Variants in NLGN4X observed in about 807,000 individuals in gnomAD.
NLGN4X encodes the protein neuroligin-4, X-linked.
NLGN4X carries 3 observed loss-of-function variants against 40.3 expected under a neutral mutation model. That is an observed-to-expected ratio of 0.07 (90% CI 0.03 to 0.19). The LOEUF is 0.19. NLGN4X is among the 10% of genes least tolerant of loss of function. NLGN4X has a pLI of 1.00. For missense variants in NLGN4X, 382 were observed against 708.3 expected (o/e 0.54, Z 5.23); for synonymous variants, 270 against 306.8 (o/e 0.88, Z 1.25).
chrX:6,069,008 G>C (rs919831904), intron 2 of NLGN4X, among the ~76,000 whole-genome samples: 2 of 112,032 alleles, frequency 1.8e-5, no homozygotes, highest in Admixed American at 1.9e-4. Context: ...ATAAAAGTGG[G>C]GCCGGGTACG....
At chrX:6,208,120 A>T (rs1443870632) in intron 1 of NLGN4X, among the ~76,000 whole-genome samples, 1 of 112,005 alleles carries the variant, frequency 8.9e-6, no homozygotes, top group Non-Finnish European at 1.9e-5. Context: ...GTTCCCATTG[A>T]TGTTAATAAG....
At position 5,932,381 on chromosome X, in the gene NLGN4X, A is replaced by G. The variant is rs189074745; in HGVS notation, c.626-23142T>C. Reference sequence around the variant, plus strand: ...ATGAGTTTCCACTCACCTAAGGAGAACACAGGCTAAATGTTTAACAAAGAG... The same window carrying G: ...ATGAGTTTCCACTCACCTAAGGAGAGCACAGGCTAAATGTTTAACAAAGAG... On this transcript the variant is annotated intron_variant, in intron 3 of 5. Transcript: ENST00000381095. Among the ~76,000 whole-genome samples the G allele has an allele frequency of 1.9e-4, 21 of 111,800 alleles. No individual in the cohort carries two copies. The Admixed American group carries it at 2.0e-3, about 11-fold the overall frequency.
At chrX:6,174,236 A>G (rs1569281184) in intron 1 of NLGN4X, among the ~76,000 whole-genome samples, 1 of 111,397 alleles carries the variant, frequency 9.0e-6, no homozygotes, top group Non-Finnish European at 1.9e-5. Context: ...CACACCAGTC[A>G]GAAAGGCCAT....
At chrX:5,895,362 A>C (rs940105942) in intron 5 of NLGN4X, among the ~76,000 whole-genome samples, 1 of 111,302 alleles carries the variant, frequency 9.0e-6, no homozygotes, top group African/African-American at 3.3e-5. Flanking sequence ...AGAATTCAGG[A>C]AATATTACCC....
At chrX:6,111,819 G>A (rs1462750638) in intron 2 of NLGN4X, among the ~76,000 whole-genome samples, 3 of 111,041 alleles carry the variant, frequency 2.7e-5, no homozygotes, top group South Asian at 3.8e-4. Flanking sequence ...TAGCAGCCTC[G>A]ACAGACTAAA....
chrX:5,916,553 G>A (rs757261587), intron 3 of NLGN4X, among the ~76,000 whole-genome samples: 60 of 111,180 alleles, frequency 5.4e-4, no homozygotes, highest in Admixed American at 2.5e-3. Context: ...GGATTCAAGC[G>A]ACTCTCCTGC....
At position 6,225,681 on chromosome X, in the gene NLGN4X, CTTTTTTTCTTTTTTTTTTTTTT is replaced by C. The variant is rs1926174728; in HGVS notation, c.-306+2838_-306+2859del. On this transcript the variant is annotated intron_variant, in intron 1 of 5. Coordinates refer to ENST00000381095, the MANE Select transcript of NLGN4X (RefSeq NM_181332.3). The stretch of plus-strand genomic sequence containing the variant: ...CTTTTTCTTTTCCTTTTTTTTCTTT[CTTTTTTTCTTTTTTTTTTTTTT>C]TTTTTTTTTTTTTTTTTTGCTTTTG... Among the ~76,000 whole-genome samples, 22 of 33,808 alleles carry C rather than the reference CTTTTTTTCTTTTTTTTTTTTTT, an allele frequency of 6.5e-4. No homozygotes were observed. The South Asian group carries it at 0.019, about 29-fold the overall frequency. The allele number at this position is 33,808 out of a possible 115,157, so 29.4% of individuals were successfully genotyped here.
rs1167183743 is a variant in NLGN4X, at chrX:5,891,407, T to C, written c.*1410A>G. 5 of 221,119 alleles carry C rather than the reference T, an allele frequency of 2.3e-5. No individual in the cohort carries two copies. The allele number at this position is 221,119 out of a possible 1,213,427, so 18.2% of individuals were successfully genotyped here. A position where few individuals can be genotyped will look rare whatever the true frequency, so the allele number is the denominator to read the frequency against. ...CATATGTTTGATCCCATAAATGATATAAAAGATTTTTAAAAACCTGCTTAC... is the reference window on the plus strand; with the variant it reads ...CATATGTTTGATCCCATAAATGATACAAAAGATTTTTAAAAACCTGCTTAC... On this transcript the variant is annotated 3_prime_UTR_variant, in exon 6 of 6. Transcript: ENST00000381095.
intron 3 of NLGN4X, among the ~76,000 whole-genome samples, chrX:5,997,213 C>CTA (rs1008860307): frequency 9.5e-6 from 1 of 105,772 alleles, no homozygotes. Flanking sequence ...GTATATATAT[C>CTA]TATATATATA....
intron 3 of NLGN4X, among the ~76,000 whole-genome samples, chrX:5,934,258 A>G (rs1219882991): frequency 8.9e-6 from 1 of 112,108 alleles, no homozygotes; most frequent in Non-Finnish European, 1.9e-5. Context: ...TTAAGGCTGA[A>G]GAATAGTTCA....
intron 2 of NLGN4X, among the ~76,000 whole-genome samples, chrX:6,108,697 G>T: frequency 9.2e-6 from 1 of 108,353 alleles, no homozygotes. Flanking sequence ...AAAAAAGGAA[G>T]AAAAATACTG....
chrX:6,205,690 T>C (rs1020625677), intron 1 of NLGN4X, among the ~76,000 whole-genome samples: 4 of 112,070 alleles, frequency 3.6e-5, no homozygotes, highest in Non-Finnish European at 5.6e-5. Context: ...AAGGCAAAAA[T>C]TGAATACTAT....
At chrX:6,103,546 T>A (rs999049099) in intron 2 of NLGN4X, among the ~76,000 whole-genome samples, 1 of 112,124 alleles carries the variant, frequency 8.9e-6, no homozygotes, top group Non-Finnish European at 1.9e-5. Context: ...TATTACTACA[T>A]AACAACATCT....
At chrX:5,896,295 T>C (rs1279003991) in intron 5 of NLGN4X, among the ~76,000 whole-genome samples, 1 of 112,162 alleles carries the variant, frequency 8.9e-6, no homozygotes, top group East Asian at 2.8e-4. Flanking sequence ...CCTGATACCG[T>C]CTGTCTATTA....
intron 4 of NLGN4X, among the ~76,000 whole-genome samples, chrX:5,906,088 A>G (rs2032157678): frequency 8.9e-6 from 1 of 112,282 alleles, no homozygotes; most frequent in South Asian, 3.7e-4. Flanking sequence ...CCTCCAATTA[A>G]TGTGGCTTAC....
chrX:6,048,023 C>T (rs768688722), intron 2 of NLGN4X, among the ~76,000 whole-genome samples: 3 of 111,695 alleles, frequency 2.7e-5, no homozygotes, highest in South Asian at 3.8e-4. Context: ...GTTCTTGGTT[C>T]GTGGTCCCAT....
At chrX:5,895,256 C>T (rs56336632) in intron 5 of NLGN4X, among the ~76,000 whole-genome samples, 22,445 of 110,984 alleles carry the variant, frequency 0.2, 1,774 homozygotes, top group African/African-American at 0.26. Context: ...CCAGTATTGG[C>T]CTTAACTTAC....
intron 2 of NLGN4X, among the ~76,000 whole-genome samples, chrX:6,097,213 T>C (rs1358762901): frequency 2.0e-5 from 2 of 102,268 alleles, no homozygotes; most frequent in Non-Finnish European, 4.0e-5. Context: ...CTGATATTAA[T>C]AGAGCCATCT....
At chrX:6,084,549 C>T (rs1235021911) in intron 2 of NLGN4X, among the ~76,000 whole-genome samples, 3 of 111,532 alleles carry the variant, frequency 2.7e-5, no homozygotes, top group Non-Finnish European at 5.6e-5. Context: ...GGTCAAAAAA[C>T]CTTAAATTGA....
Sources: gnomAD v4.1 joint callset for allele counts (sites outside exome capture counted in the v4.1 genomes callset) on GRCh38, gnomAD v4.1.1 for gene constraint, MANE v1.5 for transcripts, NCBI Gene and HGNC (gene_info 2026-07-23, HGNC 2026-07-21) for gene names.